The following CCDC88A variants were observed in gnomAD, a reference collection of about 807,000 sequenced individuals.
CCDC88A encodes coiled-coil and HOOK domain protein 88A, also known as girdin.
A neutral mutation model predicts 234.3 loss-of-function variants in CCDC88A; 54 were observed. The ratio of observed to expected loss-of-function variants is 0.23; its 90% CI spans 0.19 to 0.29. CCDC88A has a LOEUF of 0.29. CCDC88A is among the 10% of genes least tolerant of loss of function. CCDC88A has a pLI of 1.00. For missense variants in CCDC88A, 1,832 were observed against 2,123.4 expected (o/e 0.86, Z 2.70); for synonymous variants, 753 against 737.8 (o/e 1.02, Z -0.33).
intron 16 of CCDC88A, among the ~76,000 whole-genome samples, chr2:55,331,198 T>C (rs1684872202): frequency 6.6e-6 from 1 of 152,250 alleles, no homozygotes; most frequent in South Asian, 2.1e-4. Flanking sequence ...TAAATCTGTT[T>C]GAATAAAGAG....
intron 17 of CCDC88A, chr2:55,323,897 A>T (rs2104649081): frequency 6.6e-6 from 1 of 152,332 alleles, no homozygotes; most frequent in East Asian, 1.9e-4. Flanking sequence ...TTTTTAGTAG[A>T]GACGAGGTTT....
At chr2:55,291,905 T>C (rs1679483382) in intron 31 of CCDC88A, 130 bp from the exon 32 acceptor site, 1 of 574,322 alleles carries the variant, frequency 1.7e-6, no homozygotes, top group African/African-American at 1.9e-5. Flanking sequence ...AAATTATTAA[T>C]CTCATAGGCA....
rs1408503514 is a variant in CCDC88A at position 55,375,509 on chromosome 2, A to G, written c.274-626T>C. Among the ~76,000 whole-genome samples, 5 of 15,612 alleles carry G rather than the reference A, an allele frequency of 3.2e-4. No individual in the cohort carries two copies. The East Asian group carries it at 3.4e-3, about 11-fold the overall frequency. The allele number at this position is 15,612 out of a possible 152,430, so 10.2% of individuals were successfully genotyped here. On this transcript the variant is annotated intron_variant, in intron 3 of 32. Coordinates refer to ENST00000436346, the MANE Select transcript of CCDC88A (RefSeq NM_001365480.1). ...TATATATATATATATATATATATAT[A>G]TATGTATGTATGTATAAATATGTTG... is the stretch of plus-strand genomic sequence containing the variant.
At chr2:55,372,653 T>G (rs372013716) in intron 4 of CCDC88A, 143 bp from the exon 5 acceptor site, 25 of 484,386 alleles carry the variant, frequency 5.2e-5, no homozygotes, top group East Asian at 4.7e-4. Context: ...GCATTCAAAA[T>G]AGCAGCTCTG....
intron 6 of CCDC88A, among the ~76,000 whole-genome samples, chr2:55,362,680 A>G (rs1052317789): frequency 6.6e-6 from 1 of 151,990 alleles, no homozygotes; most frequent in African/African-American, 2.4e-5. Context: ...CAACAAAAAT[A>G]AAATATTAAT....
At chr2:55,355,807 A>C in intron 7 of CCDC88A, 56 bp from the exon 8 acceptor site, 1 of 1,356,770 alleles carries the variant, frequency 7.4e-7, no homozygotes, top group Non-Finnish European at 1.0e-6. Flanking sequence ...AACTAAACAC[A>C]TCAACATGAT....
At chr2:55,340,776 TATG>T (rs1668374110) in intron 12 of CCDC88A, among the ~76,000 whole-genome samples, 2 of 152,336 alleles carry the variant, frequency 1.3e-5, no homozygotes, top group Admixed American at 1.3e-4. Context: ...TATTCTGTTG[TATG>T]ATATCTATTA....
intron 5 of CCDC88A, among the ~76,000 whole-genome samples, chr2:55,371,983 T>G (rs1264231496): frequency 6.6e-6 from 1 of 152,176 alleles, no homozygotes; most frequent in Non-Finnish European, 1.5e-5. Context: ...CAAAGAGCAA[T>G]ATAATAATAA....
At chr2:55,414,155 T>A (rs183541059) in intron 2 of CCDC88A, among the ~76,000 whole-genome samples, 1 of 152,296 alleles carries the variant, frequency 6.6e-6, no homozygotes, top group African/African-American at 2.4e-5. Flanking sequence ...ATTGTTCTGA[T>A]ACTATTAACA....
chr2:55,392,781 T>C (rs1676856853), intron 2 of CCDC88A, among the ~76,000 whole-genome samples: 1 of 152,192 alleles, frequency 6.6e-6, no homozygotes, highest in Non-Finnish European at 1.5e-5. Context: ...CAACACCATT[T>C]ACTAACGAGC....
At chr2:55,407,403 G>C (rs1679772568) in intron 2 of CCDC88A, among the ~76,000 whole-genome samples, 1 of 151,352 alleles carries the variant, frequency 6.6e-6, no homozygotes, top group Admixed American at 6.6e-5. Flanking sequence ...TCAGGAGTTC[G>C]AGACCCGCCT....
At chr2:55,403,174 T>C (rs1679003078) in intron 2 of CCDC88A, among the ~76,000 whole-genome samples, 1 of 152,216 alleles carries the variant, frequency 6.6e-6, no homozygotes, top group African/African-American at 2.4e-5. Flanking sequence ...TATTCATTTC[T>C]GAGGAACTGT....
At chr2:55,413,739 G>A (rs1183333576) in intron 2 of CCDC88A, among the ~76,000 whole-genome samples, 1 of 152,018 alleles carries the variant, frequency 6.6e-6, no homozygotes, top group Non-Finnish European at 1.5e-5. Context: ...GCTGAGGTGG[G>A]TGGATCGCTT....
intron 2 of CCDC88A, among the ~76,000 whole-genome samples, chr2:55,413,771 G>A (rs1443497319): frequency 6.6e-6 from 1 of 151,954 alleles, no homozygotes; most frequent in Non-Finnish European, 1.5e-5. Context: ...GGGCAACACA[G>A]TGAAACTCCA....
At chr2:55,330,131 A>G (rs2104673141) in intron 16 of CCDC88A, 1 of 152,236 alleles carries the variant, frequency 6.6e-6, no homozygotes. Flanking sequence ...ATATTCCTTG[A>G]TGGCAAGAAT....
intron 3 of CCDC88A, among the ~76,000 whole-genome samples, chr2:55,382,120 T>C (rs986900804): frequency 2.6e-4 from 39 of 152,280 alleles, no homozygotes; most frequent in African/African-American, 9.4e-4. Context: ...TATAAAACAT[T>C]TGTTTTATAA....
chr2:55,321,823 G>A (rs1167563511), intron 18 of CCDC88A, among the ~76,000 whole-genome samples: 1 of 151,770 alleles, frequency 6.6e-6, no homozygotes, highest in Non-Finnish European at 1.5e-5. Context: ...ACTGTTTATA[G>A]TGATTCTTTT....
intron 7 of CCDC88A, among the ~76,000 whole-genome samples, chr2:55,360,393 T>C (rs1167530745): frequency 6.6e-6 from 1 of 152,184 alleles, no homozygotes. Context: ...TTGTCTAACA[T>C]TTTTCACAAT....
At chr2:55,346,897 C>CAT (rs1669188681) in intron 9 of CCDC88A, among the ~76,000 whole-genome samples, 3 of 151,872 alleles carry the variant, frequency 2.0e-5, no homozygotes, top group Admixed American at 6.6e-5. Context: ...GTATTTTAAA[C>CAT]ATATATATAC....
Sources: gnomAD v4.1 joint callset for allele counts (sites outside exome capture counted in the v4.1 genomes callset) on GRCh38, gnomAD v4.1.1 for gene constraint, MANE v1.5 for transcripts, NCBI Gene and HGNC (gene_info 2026-07-23, HGNC 2026-07-21) for gene names.